The following TTLL7 variants were observed in gnomAD, a reference collection of about 807,000 sequenced individuals.
TTLL7 encodes tubulin tyrosine ligase like 7, also known as tubulin polyglutamylase TTLL7.
Under a neutral mutation model 120.2 loss-of-function variants are expected in TTLL7, and 53 were observed. The observed-to-expected ratio is 0.44, with a 90% CI of 0.35 to 0.55. TTLL7 has a LOEUF of 0.55. TTLL7 is among the 20% of genes least tolerant of loss of function. The pLI, the probability that TTLL7 is intolerant of heterozygous loss-of-function variation, is 0.00. For synonymous variants in TTLL7, 353 were observed against 351.7 expected (o/e 1.00, Z -0.04); for missense variants, 803 against 1,054.7 (o/e 0.76, Z 3.31).
At chr1:83,964,338 G>C (rs1412240569) in intron 1 of TTLL7, among the ~76,000 whole-genome samples, 1 of 151,992 alleles carries the variant, frequency 6.6e-6, no homozygotes, top group Non-Finnish European at 1.5e-5. Flanking sequence ...GAATAGAATT[G>C]GTGCCTGAAG....
intron 3 of TTLL7, among the ~76,000 whole-genome samples, chr1:83,951,397 A>C (rs1452982892): frequency 6.6e-6 from 1 of 152,116 alleles, no homozygotes; most frequent in Admixed American, 6.5e-5. Context: ...TTGGGTATTT[A>C]TGTATACACA....
intron 19 of TTLL7, chr1:83,890,095 AC>A: frequency 1.7e-6 from 1 of 588,250 alleles, no homozygotes. Flanking sequence ...AATTAGGACT[AC>A]CTTCTCTCCA....
intron 18 of TTLL7, among the ~76,000 whole-genome samples, chr1:83,892,405 C>CGAATATATATGAAA (rs1557563429): frequency 2.7e-5 from 1 of 36,810 alleles, no homozygotes. Flanking sequence ...TATATATGAA[C>CGAATATATATGAAA]ATATATATGA....
At chr1:83,892,719 T>TGAGCGC (rs1557567909) in intron 18 of TTLL7, among the ~76,000 whole-genome samples, 1 of 39,802 alleles carries the variant, frequency 2.5e-5, no homozygotes, top group Non-Finnish European at 4.8e-5. Flanking sequence ...TATGAACATA[T>TGAGCGC]ATATGTGAAC....
intron 1 of TTLL7, among the ~76,000 whole-genome samples, chr1:83,954,750 A>C (rs996484556): frequency 6.6e-6 from 1 of 152,156 alleles, no homozygotes; most frequent in Admixed American, 6.5e-5. Context: ...AATAATAGCT[A>C]ATTATAACAA....
At chr1:83,956,385 A>G (rs1375516565) in intron 1 of TTLL7, among the ~76,000 whole-genome samples, 1 of 151,066 alleles carries the variant, frequency 6.6e-6, no homozygotes, top group African/African-American at 2.4e-5. Flanking sequence ...TCAGCCTTCC[A>G]AAGTGCTGAG....
At chr1:83,992,791 C>CTTT (rs367737528) in intron 1 of TTLL7, among the ~76,000 whole-genome samples, 3,792 of 101,430 alleles carry the variant, frequency 0.037, 117 homozygotes, top group Middle Eastern at 0.081. Context: ...TATTCAAGTT[C>CTTT]TTTTTTTTTT....
rs963199827 is a variant in TTLL7 at position 83,933,680 on chromosome 1, G to A, written c.975C>T (p.Ser325=). Residue 325 remains serine (S), a synonymous_variant, in exon 9 of 21, where the codon AGC becomes AGT. Coordinates refer to ENST00000260505, the MANE Select transcript of TTLL7 (RefSeq NM_024686.6). ...CCAGGACTTCAAAGCAGACACTTTC[G>A]CTTCCTGGAGGTTGACCAGGTCTAC... ...RMCRPGQPPG[S]ESVCFEVLGF... The A allele has an allele frequency of 1.9e-5, 31 of 1,613,550 alleles. 1 individual carries two copies. Among genetic ancestry groups the A allele is most frequent in the Middle Eastern group, 1.6e-4 (1 of 6,080 alleles).
At chr1:83,880,612 G>T (rs866824043) in intron 20 of TTLL7, among the ~76,000 whole-genome samples, 2 of 151,894 alleles carry the variant, frequency 1.3e-5, no homozygotes, top group African/African-American at 4.8e-5. Flanking sequence ...GTATCACTTA[G>T]TGTTTCAAAG....
At chr1:83,950,893 G>C (rs997563562) in intron 3 of TTLL7, among the ~76,000 whole-genome samples, 1 of 152,110 alleles carries the variant, frequency 6.6e-6, no homozygotes, top group African/African-American at 2.4e-5. Context: ...TAGCAACACA[G>C]ACTATTCCTT....
intron 1 of TTLL7, among the ~76,000 whole-genome samples, chr1:83,954,307 T>C (rs1186278149): frequency 2.0e-5 from 3 of 152,214 alleles, no homozygotes. Context: ...CCCCAAGGCA[T>C]ACAGGAATTT....
At chr1:83,963,385 C>T (rs1487165460) in intron 1 of TTLL7, among the ~76,000 whole-genome samples, 2 of 151,914 alleles carry the variant, frequency 1.3e-5, no homozygotes, top group African/African-American at 4.8e-5. Flanking sequence ...CCTTCCTCTA[C>T]ACACAGCCTG....
At position 83,911,378 on chromosome 1, in the gene TTLL7, A is replaced by G; in HGVS notation, c.1588-15T>C. 6.3e-7 allele frequency: 1 copy of G among 1,581,702 alleles called. No homozygotes were observed. The stretch of plus-strand genomic sequence containing the variant: ...GAACACAGAGGCTAAAAAAGATGGA[A>G]ATGTGTTATTTTGTTAGAATTCTTA... On this transcript the variant is annotated splice_polypyrimidine_tract_variant and intron_variant, in intron 14 of 20. Transcript: ENST00000260505.
intron 14 of TTLL7, chr1:83,912,400 G>C (rs1266855056): frequency 2.0e-5 from 3 of 152,120 alleles, no homozygotes; most frequent in African/African-American, 4.8e-5. Context: ...GAACAAGACA[G>C]TTTTATAACT....
At chr1:83,971,488 T>G (rs1311184409) in intron 1 of TTLL7, among the ~76,000 whole-genome samples, 1 of 152,076 alleles carries the variant, frequency 6.6e-6, no homozygotes, top group Non-Finnish European at 1.5e-5. Flanking sequence ...GTATTCCATA[T>G]TTACTCAGTT....
chr1:83,897,447 G>A (rs1656329564), intron 18 of TTLL7, among the ~76,000 whole-genome samples: 1 of 152,090 alleles, frequency 6.6e-6, no homozygotes, highest in African/African-American at 2.4e-5. Context: ...ATCAATAAAT[G>A]TTTGTTAAAT....
At chr1:83,899,982 T>C (rs1656580449) in intron 18 of TTLL7, among the ~76,000 whole-genome samples, 2 of 152,044 alleles carry the variant, frequency 1.3e-5, no homozygotes, top group South Asian at 2.1e-4. Flanking sequence ...AGTAAATTTA[T>C]AAACAAGCAT....
intron 15 of TTLL7, among the ~76,000 whole-genome samples, chr1:83,908,442 G>A (rs1557610332): frequency 6.6e-6 from 1 of 152,020 alleles, no homozygotes; most frequent in African/African-American, 2.4e-5. Context: ...TAAGTCACAA[G>A]AGTAAATAAT....
Position 83,870,048 on chromosome 1 carries a change from T to G in TTLL7, c.2578A>C (p.Arg860=). 6.3e-7 allele frequency: 1 copy of G among 1,580,574 alleles called. No individual in the cohort carries two copies. Among genetic ancestry groups the G allele is most frequent in the Non-Finnish European group, 8.6e-7 (1 of 1,168,426 alleles). ...LLPGSTQFFL[R]TPTYNLKYNS... ...TACTTCAAGTTGTAGGTTGGTGTTC[T>G]CAAGAAGAATTGGGTGCTCCCTGGT... The change falls in exon 21 of 21, where the codon AGA becomes CGA. Residue 860 remains arginine, a synonymous_variant. Transcript: ENST00000260505.
Sources: gnomAD v4.1 joint callset for allele counts (sites outside exome capture counted in the v4.1 genomes callset) on GRCh38, gnomAD v4.1.1 for gene constraint, MANE v1.5 for transcripts, NCBI Gene and HGNC (gene_info 2026-07-23, HGNC 2026-07-21) for gene names.